The following SGK1 variants were observed in gnomAD, a reference collection of about 807,000 sequenced individuals.
The protein encoded by SGK1 is serum/glucocorticoid regulated kinase 1.
SGK1 carries 26 observed loss-of-function variants against 64.2 expected under a neutral mutation model. The observed-to-expected ratio is 0.40, with a 90% CI of 0.30 to 0.56. SGK1 has a LOEUF of 0.56. SGK1 is among the 20% of genes least tolerant of loss of function. SGK1 has a pLI of 0.38. For synonymous variants in SGK1, 265 were observed against 239.7 expected (o/e 1.11, Z -0.98); for missense variants, 519 against 645.6 (o/e 0.80, Z 2.12).
chr6:134,201,062 C>T (rs1185121648), intron 3 of SGK1, among the ~76,000 whole-genome samples: 1 of 115,048 alleles, frequency 8.7e-6, no homozygotes, highest in Non-Finnish European at 2.2e-5. Flanking sequence ...TTTTTCTTTT[C>T]TTCTTTTTTT....
At chr6:134,184,504 C>CA (rs1162404618) in intron 3 of SGK1, among the ~76,000 whole-genome samples, 646 of 63,352 alleles carry the variant, frequency 0.01, 10 homozygotes, top group East Asian at 0.051. Context: ...GACTCCATCT[C>CA]AAAAAAAAAA....
rs780433521 is a variant in SGK1, at chr6:134,173,158, G to C, written c.703-4C>G. 7 of 1,611,418 alleles carry C rather than the reference G, an allele frequency of 4.3e-6. No homozygotes were observed. The Admixed American group carries it at 1.2e-4, about 27-fold the overall frequency. On this transcript the variant is annotated splice_polypyrimidine_tract_variant and splice_region_variant and intron_variant, in intron 7 of 13. Coordinates refer to ENST00000367858, the MANE Select transcript of SGK1 (RefSeq NM_001143676.3). The stretch of plus-strand genomic sequence containing the variant: ...GCTCCGACATAATATGCTTCTCCTA[G>C]GAAAATGACGATTCAGATTTAGTGG...
rs933094858 is a variant in SGK1, at chr6:134,262,377, C to T, written c.70-229G>A. On this transcript the variant is annotated intron_variant, in intron 1 of 13. Transcript: ENST00000367858. ...CATTTCATCTTGCTGAGTCTGTCTC[C>T]GCATTTTTTTTTCACATTATTTTTT... Among the ~76,000 whole-genome samples the T allele has an allele frequency of 3.3e-5, 5 of 151,996 alleles. No homozygotes were observed. The South Asian group carries it at 6.2e-4, about 19-fold the overall frequency.
intron 3 of SGK1, among the ~76,000 whole-genome samples, chr6:134,175,340 C>G (rs1775197422): frequency 6.6e-6 from 1 of 152,162 alleles, no homozygotes; most frequent in South Asian, 2.1e-4. Context: ...CCACCCTCCT[C>G]CCCAACCCGA....
At chr6:134,265,932 C>T (rs1003114460) in intron 1 of SGK1, among the ~76,000 whole-genome samples, 1 of 148,884 alleles carries the variant, frequency 6.7e-6, no homozygotes, top group African/African-American at 2.5e-5. Flanking sequence ...CGTGAGCTAC[C>T]ACATCCAGCC....
At chr6:134,257,002 A>T (rs1220466570) in intron 2 of SGK1, 4 of 148,950 alleles carry the variant, frequency 2.7e-5, no homozygotes, top group African/African-American at 9.7e-5. Flanking sequence ...GTTGAACAAA[A>T]CAACAACAAC....
intron 2 of SGK1, among the ~76,000 whole-genome samples, chr6:134,252,240 G>A (rs1776616356): frequency 6.6e-6 from 1 of 152,148 alleles, no homozygotes; most frequent in South Asian, 2.1e-4. Context: ...GACTCGAACA[G>A]GGGTGACCTC....
At chr6:134,202,566 T>C (rs936085535) in intron 3 of SGK1, among the ~76,000 whole-genome samples, 1 of 152,020 alleles carries the variant, frequency 6.6e-6, no homozygotes, top group African/African-American at 2.4e-5. Context: ...GAGAATTGCT[T>C]ATACCCGGGA....
At chr6:134,185,636 G>A (rs1300086858) in intron 3 of SGK1, among the ~76,000 whole-genome samples, 1 of 151,542 alleles carries the variant, frequency 6.6e-6, no homozygotes, top group Non-Finnish European at 1.5e-5. Flanking sequence ...TCTAGAGGGA[G>A]ACAGAGAAAG....
At chr6:134,311,843 C>T (rs1028347041) in intron 1 of SGK1, among the ~76,000 whole-genome samples, 1 of 152,064 alleles carries the variant, frequency 6.6e-6, no homozygotes, top group Non-Finnish European at 1.5e-5. Flanking sequence ...CGCCGTGTTC[C>T]GGGAAGCATG....
intron 1 of SGK1, among the ~76,000 whole-genome samples, chr6:134,271,196 G>A (rs1776935676): frequency 1.4e-5 from 2 of 142,064 alleles, no homozygotes; most frequent in Admixed American, 7.3e-5. Context: ...GCACATGCCT[G>A]TAATTCCAGC....
chr6:134,269,353 C>A (rs537520607), intron 1 of SGK1, among the ~76,000 whole-genome samples: 1 of 147,084 alleles, frequency 6.8e-6, no homozygotes. Context: ...AGAGAGTCAG[C>A]CCAGTTTTCT....
chr6:134,196,633 C>T (rs1346990366), intron 3 of SGK1, among the ~76,000 whole-genome samples: 2 of 152,146 alleles, frequency 1.3e-5, no homozygotes, highest in Non-Finnish European at 2.9e-5. Context: ...CTGTGCATGG[C>T]CTGCTGGCCA....
chr6:134,294,240 A>T (rs532576852), intron 1 of SGK1, among the ~76,000 whole-genome samples: 21 of 152,256 alleles, frequency 1.4e-4, no homozygotes, highest in Admixed American at 2.6e-4. Flanking sequence ...TGAAATATAC[A>T]TCACATAAAA....
intron 2 of SGK1, among the ~76,000 whole-genome samples, chr6:134,221,005 T>TA (rs1776083045): frequency 6.7e-6 from 1 of 148,360 alleles, no homozygotes; most frequent in South Asian, 2.1e-4. Context: ...AAAATTTTAT[T>TA]AAAAAAAGTT....
At chr6:134,222,848 C>T (rs1378625546) in intron 2 of SGK1, among the ~76,000 whole-genome samples, 4 of 152,172 alleles carry the variant, frequency 2.6e-5, no homozygotes, top group African/African-American at 9.7e-5. Flanking sequence ...TCAATCATAG[C>T]TACCCATTAT....
intron 2 of SGK1, among the ~76,000 whole-genome samples, chr6:134,234,602 G>T (rs1776335387): frequency 6.6e-6 from 1 of 152,208 alleles, no homozygotes; most frequent in Admixed American, 6.5e-5. Context: ...GGAGGGCCGG[G>T]TGTGGTGGCT....
intron 2 of SGK1, among the ~76,000 whole-genome samples, chr6:134,213,522 A>G (rs1775925059): frequency 6.8e-6 from 1 of 147,418 alleles, no homozygotes; most frequent in Admixed American, 6.8e-5. Flanking sequence ...ACTCTGTCTC[A>G]AAATAAATAA....
intron 3 of SGK1, among the ~76,000 whole-genome samples, chr6:134,193,011 G>T (rs1033002929): frequency 1.1e-4 from 17 of 152,116 alleles, no homozygotes; most frequent in African/African-American, 3.9e-4. Flanking sequence ...TTTTTCTTCA[G>T]ATGTTAAAAA....
Sources: allele counts gnomAD v4.1 joint callset (sites outside exome capture counted in the v4.1 genomes callset), GRCh38; gene constraint gnomAD v4.1.1; transcripts MANE v1.5; gene names NCBI Gene and HGNC (gene_info 2026-07-23, HGNC 2026-07-21).